SEMA5A: variants seen among roughly 807,000 people sequenced by gnomAD.
The protein encoded by SEMA5A is semaphorin-5A.
SEMA5A carries 55 observed loss-of-function variants against 135.5 expected under a neutral mutation model. The ratio of observed to expected loss-of-function variants is 0.41; its 90% CI spans 0.33 to 0.51. SEMA5A has a LOEUF of 0.51. SEMA5A is among the 20% of genes least tolerant of loss of function. SEMA5A has a pLI of 0.37. For missense variants in SEMA5A, 1,290 were observed against 1,419.9 expected, an observed-to-expected ratio of 0.91 and a Z score of 1.47; for synonymous variants, 580 against 546.5, an observed-to-expected ratio of 1.06 and a Z score of -0.85.
intron 1 of SEMA5A, among the ~76,000 whole-genome samples, chr5:9,537,562 T>C (rs1737839354): frequency 6.6e-6 from 1 of 152,162 alleles, no homozygotes; most frequent in Non-Finnish European, 1.5e-5. Flanking sequence ...TTACCACTCA[T>C]GAAGGGTGAT....
chr5:9,403,778 G>A (rs777045590), intron 2 of SEMA5A, among the ~76,000 whole-genome samples: 9 of 152,144 alleles, frequency 5.9e-5, no homozygotes, highest in East Asian at 1.9e-4. Context: ...AGGAGGGAAC[G>A]AGAGAAAAGG....
chr5:9,422,108 G>C (rs1757490273), intron 2 of SEMA5A, among the ~76,000 whole-genome samples: 1 of 152,164 alleles, frequency 6.6e-6, no homozygotes, highest in African/African-American at 2.4e-5. Context: ...AGAGGAACTT[G>C]GAAAAGATCC....
intron 12 of SEMA5A, among the ~76,000 whole-genome samples, chr5:9,141,279 A>AT (rs1224190059): frequency 2.9e-4 from 44 of 152,336 alleles, no homozygotes; most frequent in Middle Eastern, 6.8e-3. Context: ...CCATTGTGAA[A>AT]GTGGCTTTTC....
intron 1 of SEMA5A, among the ~76,000 whole-genome samples, chr5:9,529,804 G>T (rs1737344020): frequency 1.3e-5 from 2 of 152,204 alleles, no homozygotes; most frequent in African/African-American, 4.8e-5. Context: ...GGGGTAGGAA[G>T]TGTGGAATAA....
chr5:9,194,518 C>T (rs40692), intron 10 of SEMA5A, among the ~76,000 whole-genome samples: 126,058 of 152,168 alleles, frequency 0.83, 52,358 homozygotes, highest in Middle Eastern at 0.88. Context: ...GGGGAGGGAT[C>T]GTTAGTTCAA....
At chr5:9,281,813 G>A (rs1750555474) in intron 5 of SEMA5A, among the ~76,000 whole-genome samples, 1 of 139,728 alleles carries the variant, frequency 7.2e-6, no homozygotes, top group African/African-American at 2.7e-5. Flanking sequence ...ACCTCTTTGG[G>A]ATACAGGCAC....
intron 1 of SEMA5A, among the ~76,000 whole-genome samples, chr5:9,471,025 G>C (rs1759457969): frequency 6.6e-6 from 1 of 152,086 alleles, no homozygotes; most frequent in Non-Finnish European, 1.5e-5. Context: ...AAGTAGAGTA[G>C]GTAGCTGAAA....
At chr5:9,480,651 A>G (rs1388126222) in intron 1 of SEMA5A, among the ~76,000 whole-genome samples, 2 of 152,172 alleles carry the variant, frequency 1.3e-5, no homozygotes, top group East Asian at 1.9e-4. Context: ...GTGCAGTTCA[A>G]GTGGTCCTGG....
At chr5:9,046,148 A>G (rs1047401323) in intron 21 of SEMA5A, among the ~76,000 whole-genome samples, 98 of 152,276 alleles carry the variant, frequency 6.4e-4, no homozygotes, top group African/African-American at 2.2e-3. Flanking sequence ...CCACCTGCTC[A>G]GAGCACATCC....
Position 9,108,269 on chromosome 5 carries a change from C to A in SEMA5A, c.1944G>T (p.Leu648Phe). The change falls in exon 16 of 23, where the codon TTG becomes TTT. Residue 648 changes from leucine to phenylalanine, a missense_variant. Leu to Phe is a conservative substitution (Grantham distance 22). Coordinates refer to ENST00000382496, the MANE Select transcript of SEMA5A (RefSeq NM_003966.3). ...TCCAGAACATGTGTGGGGGACATAG[C>A]AAATGTTCATTGCAGTATCTGTAAT... ...NREERYCNEHLLCPPHMFWTG... is the reference protein window; with the variant it reads ...NREERYCNEHFLCPPHMFWTG... 1 of 1,614,104 alleles carries A rather than the reference C, an allele frequency of 6.2e-7. No homozygotes were observed. Among genetic ancestry groups the A allele is most frequent in the South Asian group, 1.1e-5 (1 of 91,066 alleles).
chr5:9,062,080 A>G (rs1737211284), intron 18 of SEMA5A, among the ~76,000 whole-genome samples: 1 of 152,148 alleles, frequency 6.6e-6, no homozygotes, highest in African/African-American at 2.4e-5. Flanking sequence ...CTTTTCCATC[A>G]GGCACAACAA....
intron 3 of SEMA5A, among the ~76,000 whole-genome samples, chr5:9,368,975 C>G (rs1388192911): frequency 1.3e-5 from 2 of 152,112 alleles, no homozygotes; most frequent in Admixed American, 1.3e-4. Flanking sequence ...TGTCACATTT[C>G]CCAAGTGGCT....
At chr5:9,336,228 A>C (rs965207460) in intron 4 of SEMA5A, among the ~76,000 whole-genome samples, 3 of 152,214 alleles carry the variant, frequency 2.0e-5, no homozygotes, top group African/African-American at 7.2e-5. Flanking sequence ...GTGTAGGCAG[A>C]ATAAATAATT....
intron 2 of SEMA5A, among the ~76,000 whole-genome samples, chr5:9,397,705 A>G (rs1421846467): frequency 2.0e-5 from 3 of 152,238 alleles, no homozygotes. Context: ...AAGATGCTGC[A>G]GACAAGAATC....
At chr5:9,114,771 T>A (rs1468750684) in intron 15 of SEMA5A, among the ~76,000 whole-genome samples, 1 of 152,228 alleles carries the variant, frequency 6.6e-6, no homozygotes, top group Non-Finnish European at 1.5e-5. Context: ...AATCAGTCAC[T>A]TTTAATGGCA....
chr5:9,305,724 A>ATATATG (rs1751832116), intron 5 of SEMA5A, among the ~76,000 whole-genome samples: 1 of 117,978 alleles, frequency 8.5e-6, no homozygotes, highest in Admixed American at 8.6e-5. Context: ...ATATATATAT[A>ATATATG]TATTTACACG....
At chr5:9,341,957 T>A (rs1326956541) in intron 3 of SEMA5A, among the ~76,000 whole-genome samples, 1 of 151,890 alleles carries the variant, frequency 6.6e-6, no homozygotes, top group African/African-American at 2.4e-5. Context: ...TTTTTAATAA[T>A]CCAGTCTTAC....
chr5:9,280,764 C>G, intron 5 of SEMA5A: 1 of 412,280 alleles, frequency 2.4e-6, no homozygotes, highest in Non-Finnish European at 4.8e-6. Flanking sequence ...AAGATGAGAA[C>G]ATCACTGACA....
chr5:9,057,863 GT>G (rs1354941516), intron 18 of SEMA5A, among the ~76,000 whole-genome samples: 7 of 152,148 alleles, frequency 4.6e-5, no homozygotes, highest in Admixed American at 1.3e-4. Flanking sequence ...TATGTTACAG[GT>G]TTCAACCCAC....
Sources: allele counts gnomAD v4.1 joint callset (sites outside exome capture counted in the v4.1 genomes callset), GRCh38; gene constraint gnomAD v4.1.1; transcripts MANE v1.5; gene names NCBI Gene and HGNC (gene_info 2026-07-23, HGNC 2026-07-21).